BCL7A: variants seen among roughly 807,000 people sequenced by gnomAD.
BCL7A encodes BAF chromatin remodeling complex subunit BCL7A, also known as B-cell CLL/lymphoma 7 protein family member A.
In BCL7A, 11 loss-of-function variants were observed where a neutral mutation model predicts 28.4. The ratio of observed to expected loss-of-function variants is 0.39; its 90% CI spans 0.24 to 0.64. BCL7A has a LOEUF of 0.64. Ranked by LOEUF, BCL7A falls within the 30% of genes least tolerant of loss-of-function variation. BCL7A has a pLI of 0.50. For synonymous variants in BCL7A, 123 were observed against 103.3 expected (o/e 1.19, Z -1.15); for missense variants, 222 against 274.8 (o/e 0.81, Z 1.36).
At chr12:122,044,694 C>A (rs1884035796) in intron 4 of BCL7A, among the ~76,000 whole-genome samples, 1 of 152,006 alleles carries the variant, frequency 6.6e-6, no homozygotes, top group African/African-American at 2.4e-5. Context: ...GGCATGGTGG[C>A]ATGTGCCTGT....
chr12:122,052,434 A>G (rs1445825625), intron 4 of BCL7A, among the ~76,000 whole-genome samples: 2 of 152,128 alleles, frequency 1.3e-5, no homozygotes, highest in South Asian at 2.1e-4. Flanking sequence ...CACCACTTCT[A>G]TCTGGTTCCA....
At chr12:122,027,954 T>G (rs2135840053) in intron 1 of BCL7A, among the ~76,000 whole-genome samples, 1 of 152,294 alleles carries the variant, frequency 6.6e-6, no homozygotes, top group Admixed American at 6.5e-5. Flanking sequence ...GTGATGGTTT[T>G]GGGGGGCAAT....
In BCL7A at chr12:122,034,425, T is replaced by TAAA. The variant is rs35998182; in HGVS notation, c.175-886_175-884dup. Among the ~76,000 whole-genome samples, 423 of 118,368 alleles carry TAAA rather than the reference T, an allele frequency of 3.6e-3. 3 individuals carry two copies. Among genetic ancestry groups the TAAA allele is most frequent in the African/African-American group, 0.014 (412 of 30,004 alleles). 77.7% of individuals were successfully genotyped at this position (118,368 alleles called of 152,430 possible). A position where few individuals can be genotyped will look rare whatever the true frequency, so the allele number is the denominator to read the frequency against. On this transcript the variant is annotated intron_variant, in intron 2 of 5. Coordinates refer to ENST00000261822, the MANE Select transcript of BCL7A (RefSeq NM_001024808.3). The stretch of plus-strand genomic sequence containing the variant: ...GTTGTTTCTAACATGATTCCTTTCG[T>TAAA]AAAAAAAAAAAAAAAAAAAAAATTG...
At chr12:122,051,568 C>G (rs560149875) in intron 4 of BCL7A, among the ~76,000 whole-genome samples, 51 of 152,312 alleles carry the variant, frequency 3.3e-4, no homozygotes, top group African/African-American at 1.1e-3. Flanking sequence ...AAGGCCAGTT[C>G]CCACCAAGCT....
intron 4 of BCL7A, chr12:122,044,296 C>T (rs534211455): frequency 9.0e-6 from 4 of 446,240 alleles, no homozygotes; most frequent in Admixed American, 8.0e-5. Flanking sequence ...ACTGCTTGAG[C>T]CTAGGAGTTC....
At chr12:122,026,052 G>A (rs1270807338) in intron 1 of BCL7A, among the ~76,000 whole-genome samples, 1 of 151,384 alleles carries the variant, frequency 6.6e-6, no homozygotes, top group African/African-American at 2.4e-5. Context: ...GGAGGATCAC[G>A]AGGTCAGGAG....
At chr12:122,024,245 G>C (rs543981963) in intron 1 of BCL7A, among the ~76,000 whole-genome samples, 1 of 152,184 alleles carries the variant, frequency 6.6e-6, no homozygotes, top group African/African-American at 2.4e-5. Context: ...CCAGCTTCCA[G>C]TTCACTTCGT....
chr12:122,046,597 C>T (rs569729518), intron 4 of BCL7A, among the ~76,000 whole-genome samples: 1 of 152,224 alleles, frequency 6.6e-6, no homozygotes, highest in Non-Finnish European at 1.5e-5. Context: ...TGCAGACAGA[C>T]TCTATCCAGC....
chr12:122,052,971 T>A (rs35159488), intron 4 of BCL7A, among the ~76,000 whole-genome samples: 60,443 of 146,286 alleles, frequency 0.41, 12,671 homozygotes, highest in Middle Eastern at 0.5. Flanking sequence ...ATTACAGGCG[T>A]GAGCCACCGT....
chr12:122,050,317 T>G, intron 4 of BCL7A, among the ~76,000 whole-genome samples: 1 of 151,582 alleles, frequency 6.6e-6, no homozygotes, highest in African/African-American at 2.4e-5. Context: ...GGCCATCCTG[T>G]GCATTGTGGG....
intron 5 of BCL7A, among the ~76,000 whole-genome samples, chr12:122,056,022 TGGGGTCTTGTCTG>T (rs1951876139): frequency 6.6e-6 from 1 of 152,214 alleles, no homozygotes; most frequent in Non-Finnish European, 1.5e-5. Context: ...TAGGGAAATC[TGGGGTCTTGTCTG>T]AGACAGACTA....
rs1183613896 is a variant in BCL7A at position 122,029,097 on chromosome 12, C to T, written c.93-1603C>T. On this transcript the variant is annotated intron_variant, in intron 1 of 5. Transcript: ENST00000261822. This position sits in a 1 kb window ranked among gnomAD's most constrained non-coding sequence, Gnocchi z 4.3. ...GCTGGGTGAAGGGTTCGAGTGCTGG[C>T]TCTGGGAGAATGAGTTCACCTTCAC... Among the ~76,000 whole-genome samples, 3 of 152,246 alleles carry T rather than the reference C, an allele frequency of 2.0e-5. No individual in the cohort carries two copies. Among genetic ancestry groups the T allele is most frequent in the African/African-American group, 7.2e-5 (3 of 41,544 alleles).
intron 3 of BCL7A, among the ~76,000 whole-genome samples, chr12:122,041,954 G>A (rs1306932685): frequency 2.0e-5 from 3 of 152,178 alleles, no homozygotes; most frequent in Non-Finnish European, 4.4e-5. Flanking sequence ...GTGCATGCCT[G>A]TAATCCCAGC....
At chr12:122,030,137 G>A (rs1346820194) in intron 1 of BCL7A, among the ~76,000 whole-genome samples, 1 of 152,152 alleles carries the variant, frequency 6.6e-6, no homozygotes, top group African/African-American at 2.4e-5. Flanking sequence ...CCTCCTTTCG[G>A]GCCGAGGTCA....
intron 5 of BCL7A, among the ~76,000 whole-genome samples, chr12:122,058,349 CCT>C (rs1044255028): frequency 6.7e-6 from 1 of 150,122 alleles, no homozygotes; most frequent in Admixed American, 6.6e-5. Flanking sequence ...ATGGTGAAAC[CCT>C]GTCTCTACCA....
chr12:122,057,516 C>G (rs926554671), intron 5 of BCL7A, among the ~76,000 whole-genome samples: 5 of 152,130 alleles, frequency 3.3e-5, no homozygotes, highest in Admixed American at 6.5e-5. Flanking sequence ...ATCAGCCAGG[C>G]CAGAGGCCGG....
chr12:122,044,440 A>C (rs1224797081), intron 4 of BCL7A: 1 of 187,068 alleles, frequency 5.3e-6, no homozygotes, highest in Non-Finnish European at 1.1e-5. Context: ...ACAGGAGGTC[A>C]AGACTACTAC....
intron 3 of BCL7A, among the ~76,000 whole-genome samples, chr12:122,036,346 A>G (rs903837012): frequency 6.6e-6 from 1 of 152,106 alleles, no homozygotes; most frequent in Non-Finnish European, 1.5e-5. Context: ...GCAGTGAGCT[A>G]TGATTGCACC....
intron 2 of BCL7A, among the ~76,000 whole-genome samples, chr12:122,032,792 C>T (rs752535968): frequency 2.0e-5 from 3 of 152,120 alleles, no homozygotes; most frequent in Non-Finnish European, 4.4e-5. Flanking sequence ...CAGACGGTGC[C>T]GAGAAATGCA....
Sources: gnomAD v4.1 joint callset for allele counts (sites outside exome capture counted in the v4.1 genomes callset) on GRCh38, gnomAD v4.1.1 for gene constraint, Gnocchi (gnomAD v3.1) non-coding constraint, MANE v1.5 for transcripts, NCBI Gene and HGNC (gene_info 2026-07-23, HGNC 2026-07-21) for gene names.